MED15: variants seen among roughly 807,000 people sequenced by gnomAD.
MED15 encodes the protein mediator complex subunit 15.
MED15 carries 41 observed loss-of-function variants against 118.7 expected under a neutral mutation model. The observed-to-expected ratio is 0.35, with a 90% CI of 0.27 to 0.45. The LOEUF (loss-of-function observed/expected upper bound fraction) is 0.45, where lower values mean the gene tolerates loss of function less well. Ranked by LOEUF, MED15 falls within the 20% of genes least tolerant of loss-of-function variation. MED15 has a pLI of 1.00. For missense variants in MED15, 740 were observed against 1,025.5 expected, an observed-to-expected ratio of 0.72 and a Z score of 3.80; for synonymous variants, 436 against 413.9, an observed-to-expected ratio of 1.05 and a Z score of -0.65.
intron 1 of MED15, among the ~76,000 whole-genome samples, chr22:20,510,580 A>G (rs914212758): frequency 6.6e-6 from 1 of 152,112 alleles, no homozygotes; most frequent in Non-Finnish European, 1.5e-5. Flanking sequence ...GGCCATATTC[A>G]GTTCCTTGAG....
At chr22:20,562,380 A>T (rs74972844) in intron 5 of MED15, among the ~76,000 whole-genome samples, 9,205 of 150,732 alleles carry the variant, frequency 0.061, 642 homozygotes, top group East Asian at 0.38. Context: ...AAGTATTGTC[A>T]TACTTTTTGT....
chr22:20,551,616 T>C, intron 3 of MED15, 129 bp downstream of exon 3: 2 of 852,724 alleles, frequency 2.3e-6, no homozygotes, highest in Non-Finnish European at 4.0e-6. Context: ...CTCACTTGCT[T>C]CTGGGAAGTT....
intron 9 of MED15, among the ~76,000 whole-genome samples, chr22:20,575,893 GCA>G (rs2056810313): frequency 6.6e-6 from 1 of 152,182 alleles, no homozygotes; most frequent in Admixed American, 6.5e-5. Flanking sequence ...GCAGTGGACA[GCA>G]CAGACTCCAG....
At chr22:20,564,161 A>T (rs536305962) in intron 5 of MED15, among the ~76,000 whole-genome samples, 2 of 152,344 alleles carry the variant, frequency 1.3e-5, no homozygotes, top group South Asian at 4.1e-4. Context: ...GACAGAGAGG[A>T]GATTACTGAT....
intron 2 of MED15, among the ~76,000 whole-genome samples, chr22:20,548,182 CAG>C (rs2055629122): frequency 6.6e-6 from 1 of 151,864 alleles, no homozygotes; most frequent in African/African-American, 2.4e-5. Flanking sequence ...TGTTTTGAGA[CAG>C]AGTTTTCACT....
At chr22:20,550,908 A>G (rs2055742923) in intron 2 of MED15, 1 of 350,618 alleles carries the variant, frequency 2.9e-6, no homozygotes, top group Admixed American at 3.8e-5. Flanking sequence ...ATGGAGATGA[A>G]CACAGATTCT....
rs528992997 is a variant in MED15, at chr22:20,544,663, C to T, written c.157-6773C>T. ...CCTGGGTGACAGAGTGAGACTCTGT[C>T]TCAAAAAAACAAACAAACAAACAAA... On this transcript the variant is annotated intron_variant, in intron 2 of 17. Transcript: ENST00000263205. Among the ~76,000 whole-genome samples, 6 of 152,158 alleles carry T rather than the reference C, an allele frequency of 3.9e-5. No individual in the cohort carries two copies. The East Asian group carries it at 9.7e-4, about 25-fold the overall frequency.
At chr22:20,510,204 G>A (rs2054014881) in intron 1 of MED15, among the ~76,000 whole-genome samples, 1 of 151,978 alleles carries the variant, frequency 6.6e-6, no homozygotes, top group African/African-American at 2.4e-5. Context: ...TGGCCAACAC[G>A]GTGAAACCCT....
At chr22:20,522,412 T>G (rs2054495668) in intron 1 of MED15, among the ~76,000 whole-genome samples, 2 of 152,138 alleles carry the variant, frequency 1.3e-5, no homozygotes, top group East Asian at 3.9e-4. Context: ...ACGCTGAAAT[T>G]TACTGGGTGC....
intron 7 of MED15, 148 bp downstream of exon 7, chr22:20,566,965 C>A: frequency 1.4e-6 from 2 of 1,408,550 alleles, no homozygotes; most frequent in Non-Finnish European, 9.5e-7. Context: ...CCTGCCGACT[C>A]TAGCATGGCT....
chr22:20,575,381 TTTA>T, intron 9 of MED15, 149 bp downstream of exon 9: 5 of 1,084,688 alleles, frequency 4.6e-6, no homozygotes, highest in Non-Finnish European at 6.3e-6. Context: ...TTTTTTTTTT[TTTA>T]AATGAAGCCA....
chr22:20,568,664 A>T (rs771649025), intron 8 of MED15, 33 bp downstream of exon 8: 39 of 1,604,682 alleles, frequency 2.4e-5, no homozygotes, highest in Non-Finnish European at 3.1e-5. Context: ...CTCCATAGTC[A>T]TCAGCAGGTG....
At chr22:20,572,667 C>T (rs928026102) in intron 8 of MED15, among the ~76,000 whole-genome samples, 2 of 152,188 alleles carry the variant, frequency 1.3e-5, no homozygotes, top group African/African-American at 2.4e-5. Flanking sequence ...GCCTGTAATC[C>T]CAACGTTTTG....
intron 2 of MED15, among the ~76,000 whole-genome samples, chr22:20,547,278 A>C (rs903235185): frequency 1.3e-5 from 2 of 152,234 alleles, no homozygotes; most frequent in Non-Finnish European, 2.9e-5. Context: ...TTTTTTAAAA[A>C]GCCTCTCAAA....
chr22:20,583,323 G>T lies in MED15; in HGVS notation c.1673-7G>T, dbSNP rs367606324. On this transcript the variant is annotated splice_region_variant and splice_polypyrimidine_tract_variant and intron_variant, in intron 12 of 17. Coordinates refer to ENST00000263205, the MANE Select transcript of MED15 (RefSeq NM_001003891.3). Reference sequence around the variant, plus strand: ...TGTGTCTTAGTGTGTACCCTCTTCTGTCCCAGACAGAAAAAAGGACCTGAG... The same window carrying T: ...TGTGTCTTAGTGTGTACCCTCTTCTTTCCCAGACAGAAAAAAGGACCTGAG... 6.2e-7 allele frequency: 1 copy of T among 1,613,318 alleles called. No individual in the cohort carries two copies. Among genetic ancestry groups the T allele is most frequent in the Admixed American group, 1.7e-5 (1 of 60,024 alleles).
At chr22:20,515,847 A>G (rs1418230885) in intron 1 of MED15, among the ~76,000 whole-genome samples, 2 of 151,994 alleles carry the variant, frequency 1.3e-5, no homozygotes, top group East Asian at 1.9e-4. Context: ...TACTAAAAAT[A>G]CAAAAATTAG....
At chr22:20,532,190 G>A (rs907737580) in intron 1 of MED15, among the ~76,000 whole-genome samples, 1 of 152,222 alleles carries the variant, frequency 6.6e-6, no homozygotes, top group Admixed American at 6.5e-5. Flanking sequence ...GGGAGGAATT[G>A]CCACAGATGC....
At chr22:20,579,754 G>T (rs372674864) in intron 9 of MED15, among the ~76,000 whole-genome samples, 1 of 152,030 alleles carries the variant, frequency 6.6e-6, no homozygotes, top group African/African-American at 2.4e-5. Context: ...GATGTTTAGC[G>T]TGCCTGAGCT....
rs183164686 is a variant in MED15, at chr22:20,562,586, G to C, written c.452-1864G>C. On this transcript the variant is annotated intron_variant, in intron 5 of 17. Transcript: ENST00000263205. The stretch of plus-strand genomic sequence containing the variant: ...TTTAGTAGAGATGGGTTTTTGCCAT[G>C]TTGGCCAAGCTGGTCTCAAACTCGA... Among the ~76,000 whole-genome samples, 22 of 152,224 alleles carry C rather than the reference G, an allele frequency of 1.4e-4. 1 individual carries two copies. In the East Asian group the frequency reaches 4.2e-3, roughly 29 times the overall value.
Sources: allele counts gnomAD v4.1 joint callset (sites outside exome capture counted in the v4.1 genomes callset), GRCh38; gene constraint gnomAD v4.1.1; transcripts MANE v1.5; gene names NCBI Gene and HGNC (gene_info 2026-07-23, HGNC 2026-07-21).